Variants in PTPRN2 observed in about 807,000 individuals in gnomAD.
The protein encoded by PTPRN2 is protein tyrosine phosphatase receptor type N2.
PTPRN2 carries 74 observed loss-of-function variants against 118.8 expected under a neutral mutation model. The observed-to-expected ratio is 0.62, with a 90% CI of 0.52 to 0.76. PTPRN2 has a LOEUF of 0.76. PTPRN2 is among the 30% of genes least tolerant of loss of function. The probability of loss-of-function intolerance (pLI) is 0.00; values close to 1 mark genes in which losing one functional copy is unlikely to be tolerated. For synonymous variants in PTPRN2, 641 were observed against 608.0 expected, an observed-to-expected ratio of 1.05 and a Z score of -0.80; for missense variants, 1,481 against 1,394.4, an observed-to-expected ratio of 1.06 and a Z score of -0.99.
At chr7:157,991,563 A>T (rs1050819075) in intron 11 of PTPRN2, among the ~76,000 whole-genome samples, 1 of 152,052 alleles carries the variant, frequency 6.6e-6, no homozygotes, top group Non-Finnish European at 1.5e-5. Flanking sequence ...TGGCTGAGGG[A>T]GGGTGAGGGA....
intron 13 of PTPRN2, among the ~76,000 whole-genome samples, chr7:157,673,715 G>A (rs1305187136): frequency 6.6e-6 from 1 of 151,480 alleles, no homozygotes; most frequent in East Asian, 1.9e-4. Flanking sequence ...CCCCACAGAG[G>A]CCCCCTCTGC....
At chr7:158,166,833 A>G in intron 6 of PTPRN2, 98 bp downstream of exon 6, 1 of 1,344,908 alleles carries the variant, frequency 7.4e-7, no homozygotes, top group Non-Finnish European at 9.7e-7. Flanking sequence ...TGCGGTGTGC[A>G]GACCCCACGT....
At chr7:158,548,037 C>G (rs1385074769) in intron 1 of PTPRN2, among the ~76,000 whole-genome samples, 1 of 152,248 alleles carries the variant, frequency 6.6e-6, no homozygotes, top group African/African-American at 2.4e-5. Context: ...CCAGGCCAGA[C>G]ATCCAGCAGG....
chr7:158,186,808 C>T (rs1269513762), intron 5 of PTPRN2, among the ~76,000 whole-genome samples: 3 of 152,250 alleles, frequency 2.0e-5, no homozygotes, highest in Admixed American at 6.5e-5. Context: ...TGCTTGTTTT[C>T]TCCCTCCTAC....
At chr7:157,602,946 A>G (rs1334241175) in intron 16 of PTPRN2, among the ~76,000 whole-genome samples, 2 of 152,218 alleles carry the variant, frequency 1.3e-5, no homozygotes, top group African/African-American at 2.4e-5. Context: ...ACCATGTTTG[A>G]TTAAAGGCAA....
chr7:158,441,219 G>C (rs1424149546), intron 2 of PTPRN2, among the ~76,000 whole-genome samples: 2 of 139,012 alleles, frequency 1.4e-5, no homozygotes, highest in African/African-American at 5.1e-5. Flanking sequence ...GGTGGTGATG[G>C]TGATAGTAAT....
chr7:157,803,451 A>C (rs1441956982), intron 12 of PTPRN2, among the ~76,000 whole-genome samples: 1 of 152,180 alleles, frequency 6.6e-6, no homozygotes, highest in Non-Finnish European at 1.5e-5. Context: ...GTTGTCCTGC[A>C]TGTTCACATT....
intron 1 of PTPRN2, among the ~76,000 whole-genome samples, chr7:158,556,261 C>T (rs79538777): frequency 0.041 from 6,184 of 152,052 alleles, 407 homozygotes; most frequent in African/African-American, 0.13. Context: ...TACGTAAAGA[C>T]AGATTAGATG....
In PTPRN2 at chr7:157,800,845, A is replaced by G. The variant is rs935587289; in HGVS notation, c.1788+97828T>C. Among the ~76,000 whole-genome samples the G allele has an allele frequency of 5.3e-5, 8 of 151,778 alleles. No individual in the cohort carries two copies. The South Asian group carries it at 6.3e-4, about 12-fold the overall frequency. On this transcript the variant is annotated intron_variant, in intron 12 of 22. Coordinates refer to ENST00000389418, the MANE Select transcript of PTPRN2 (RefSeq NM_002847.5). ...CGGGCACCTGTAGTCCCAGCTACTC[A>G]GGAGGCTGAGGCAGGAGAATGGCGT...
At chr7:157,920,398 TCA>T (rs1005831439) in intron 11 of PTPRN2, among the ~76,000 whole-genome samples, 2 of 152,082 alleles carry the variant, frequency 1.3e-5, no homozygotes. Flanking sequence ...CAAGCGCAGT[TCA>T]CAGTTTACAA....
intron 11 of PTPRN2, among the ~76,000 whole-genome samples, chr7:157,980,275 C>T (rs1310498965): frequency 1.3e-5 from 2 of 152,236 alleles, no homozygotes; most frequent in Admixed American, 6.5e-5. Flanking sequence ...AGTATCTCTG[C>T]ATCTGAGTAA....
chr7:158,282,590 G>C (rs1799499794), intron 3 of PTPRN2, among the ~76,000 whole-genome samples: 1 of 152,262 alleles, frequency 6.6e-6, no homozygotes, highest in African/African-American at 2.4e-5. Flanking sequence ...CAGCACTGCT[G>C]AAGTGAGCAC....
chr7:158,546,673 C>G lies in PTPRN2; in HGVS notation c.112+40885G>C, dbSNP rs1826305101. Among the ~76,000 whole-genome samples, 1 of 152,198 alleles carries G rather than the reference C, an allele frequency of 6.6e-6. No homozygotes were observed. The highest frequency in any genetic ancestry group is 6.5e-5 in the Admixed American group (1 of 15,284). On this transcript the variant is annotated intron_variant, in intron 1 of 22. Coordinates refer to ENST00000389418, the MANE Select transcript of PTPRN2 (RefSeq NM_002847.5). This position sits in a 1 kb window ranked among gnomAD's most constrained non-coding sequence, Gnocchi z 5.0. The stretch of plus-strand genomic sequence containing the variant: ...GCAGGTGGGTGACTACAGAGGTGCT[C>G]TGAGGGTCTTAGGCAGAGCTGGCCA...
chr7:158,399,151 G>C (rs1812757046), intron 2 of PTPRN2, among the ~76,000 whole-genome samples: 1 of 152,150 alleles, frequency 6.6e-6, no homozygotes, highest in Admixed American at 6.5e-5. Context: ...GGCTGTCAGG[G>C]CTCTTTCATT....
rs932431993 is a variant in PTPRN2 at position 157,893,852 on chromosome 7, A to G, written c.1788+4821T>C. Among the ~76,000 whole-genome samples, 4 of 152,134 alleles carry G rather than the reference A, an allele frequency of 2.6e-5. No homozygotes were observed. Among genetic ancestry groups the G allele is most frequent in the Non-Finnish European group, 5.9e-5 (4 of 68,032 alleles). ...GAGGGAGCCAGGCCCTGGAGAGTCCAATCTGTAGAACTCACGGAGGAGGAG... is the reference window on the plus strand; with the variant it reads ...GAGGGAGCCAGGCCCTGGAGAGTCCGATCTGTAGAACTCACGGAGGAGGAG... On this transcript the variant is annotated intron_variant, in intron 12 of 22. Transcript: ENST00000389418. This position sits in a 1 kb window ranked among gnomAD's most constrained non-coding sequence, Gnocchi z 4.0.
rs112352436 is a variant in PTPRN2, at chr7:158,294,915, G to A, written c.277+21904C>T. On this transcript the variant is annotated intron_variant, in intron 3 of 22. Coordinates refer to ENST00000389418, the MANE Select transcript of PTPRN2 (RefSeq NM_002847.5). ...CCCTGCCTGTCTGCCCAGACACTGC[G>A]CCACTTTCCACGCGCGTGGTTCACC... Among the ~76,000 whole-genome samples, 425 of 75,120 alleles carry A rather than the reference G, an allele frequency of 5.7e-3. 1 individual carries two copies. The highest frequency in any genetic ancestry group is 0.011 in the Middle Eastern group (1 of 88). 49.3% of individuals were successfully genotyped at this position (75,120 alleles called of 152,430 possible).
At chr7:157,978,166 GT>G (rs1802891789) in intron 11 of PTPRN2, among the ~76,000 whole-genome samples, 1 of 151,984 alleles carries the variant, frequency 6.6e-6, no homozygotes, top group Admixed American at 6.5e-5. Flanking sequence ...TCTCAGGTGT[GT>G]TTTGTGGAAG....
intron 12 of PTPRN2, among the ~76,000 whole-genome samples, chr7:157,714,588 A>C (rs1798808894): frequency 6.6e-6 from 1 of 152,224 alleles, no homozygotes; most frequent in South Asian, 2.1e-4. Flanking sequence ...ACAGAAAATC[A>C]ATATTCCAAA....
intron 2 of PTPRN2, among the ~76,000 whole-genome samples, chr7:158,443,217 C>T (rs1454181186): frequency 2.6e-5 from 4 of 152,158 alleles, no homozygotes; most frequent in Non-Finnish European, 5.9e-5. Flanking sequence ...GCGGAGGACG[C>T]TCCAAGCCCA....
Sources: allele counts gnomAD v4.1 joint callset (sites outside exome capture counted in the v4.1 genomes callset), GRCh38; gene constraint gnomAD v4.1.1; non-coding constraint Gnocchi (gnomAD v3.1); transcripts MANE v1.5; gene names NCBI Gene and HGNC (gene_info 2026-07-23, HGNC 2026-07-21).